GPHN: variants seen among roughly 807,000 people sequenced by gnomAD.
GPHN encodes the protein gephyrin.
A neutral mutation model predicts 95.5 loss-of-function variants in GPHN; 17 were observed. The observed-to-expected ratio is 0.18, with a 90% CI of 0.12 to 0.27. GPHN has a LOEUF of 0.27. GPHN is among the 10% of genes least tolerant of loss of function. The pLI, the probability that GPHN is intolerant of heterozygous loss-of-function variation, is 1.00. For missense variants in GPHN, 660 were observed against 978.1 expected, an observed-to-expected ratio of 0.67 and a Z score of 4.34; for synonymous variants, 320 against 322.5, an observed-to-expected ratio of 0.99 and a Z score of 0.08.
chr14:67,213,939 G>GT, the GPHN span, among the ~76,000 whole-genome samples: 1 of 152,176 alleles, frequency 6.6e-6, no homozygotes, highest in Non-Finnish European at 1.5e-5. Flanking sequence ...TTTTTCATGT[G>GT]TTTTTTGGCT....
intron 2 of GPHN, among the ~76,000 whole-genome samples, chr14:66,682,754 A>C (rs2067019259): frequency 2.0e-5 from 3 of 152,208 alleles, no homozygotes; most frequent in Non-Finnish European, 4.4e-5. Context: ...CATCTCAAAA[A>C]AAAAATTATT....
the GPHN span, chr14:67,725,260 G>A: frequency 6.2e-7 from 1 of 1,612,740 alleles, no homozygotes; most frequent in South Asian, 1.1e-5. Context: ...GGCAGGTGAG[G>A]TCCTGATGGG....
chr14:67,507,650 A>G, the GPHN span, among the ~76,000 whole-genome samples: 1 of 152,150 alleles, frequency 6.6e-6, no homozygotes, highest in Non-Finnish European at 1.5e-5. Flanking sequence ...TGTGTTGCCT[A>G]GGCTAGTCTT....
At chr14:67,321,322 T>A in the GPHN span, 3 of 1,517,934 alleles carry the variant, frequency 2.0e-6, no homozygotes, top group Non-Finnish European at 2.7e-6. Flanking sequence ...AGTAATCTAG[T>A]GGAAGCTATA....
chr14:67,395,513 T>C, the GPHN span: 40 of 1,613,980 alleles, frequency 2.5e-5, no homozygotes, highest in African/African-American at 5.3e-5. Context: ...GGCCCAGGCA[T>C]CCCGCTCCTC....
chr14:67,390,420 TAA>T, the GPHN span, among the ~76,000 whole-genome samples: 1 of 152,092 alleles, frequency 6.6e-6, no homozygotes, highest in Non-Finnish European at 1.5e-5. Context: ...CTGAAAATGA[TAA>T]AGATGCCCTC....
intron 7 of GPHN, among the ~76,000 whole-genome samples, chr14:66,923,297 A>G (rs1301253771): frequency 1.3e-5 from 2 of 152,124 alleles, no homozygotes; most frequent in Non-Finnish European, 2.9e-5. Flanking sequence ...AAATTCTTAA[A>G]GGAACAGCAA....
At chr14:66,509,357 C>G (rs767953828) in intron 1 of GPHN, 2 of 152,336 alleles carry the variant, frequency 1.3e-5, no homozygotes, top group South Asian at 2.1e-4. Context: ...GCTCCTCTCC[C>G]CCTCCTTTCT....
chr14:67,049,351 C>T (rs893451764), intron 10 of GPHN, among the ~76,000 whole-genome samples: 20 of 152,010 alleles, frequency 1.3e-4, no homozygotes, highest in Middle Eastern at 6.8e-3. Flanking sequence ...CCTCAGCCTC[C>T]GGAGTAGCTG....
intron 8 of GPHN, among the ~76,000 whole-genome samples, chr14:66,936,165 G>T (rs150803855): frequency 1.3e-5 from 2 of 152,132 alleles, no homozygotes; most frequent in Admixed American, 6.6e-5. Flanking sequence ...GATCACCTGA[G>T]GTCAGGAGTT....
chr14:67,445,314 T>C, the GPHN span, among the ~76,000 whole-genome samples: 4 of 152,098 alleles, frequency 2.6e-5, no homozygotes. Flanking sequence ...AGCTGGCATC[T>C]GAAGTGGTGG....
chr14:66,631,276 T>G (rs890621567), intron 1 of GPHN, among the ~76,000 whole-genome samples: 1 of 152,018 alleles, frequency 6.6e-6, no homozygotes, highest in Non-Finnish European at 1.5e-5. Context: ...CTTGAACTCC[T>G]GACCTCATGA....
intron 8 of GPHN, among the ~76,000 whole-genome samples, chr14:66,943,221 T>A (rs1355725418): frequency 6.6e-6 from 1 of 152,216 alleles, no homozygotes; most frequent in Non-Finnish European, 1.5e-5. Context: ...TTTTTATGCC[T>A]TTTTTATAAT....
At chr14:66,848,544 C>G (rs778518007) in intron 4 of GPHN, among the ~76,000 whole-genome samples, 7 of 151,954 alleles carry the variant, frequency 4.6e-5, no homozygotes, top group Non-Finnish European at 1.0e-4. Flanking sequence ...TCAAATTTCT[C>G]GTTACTTTCT....
the GPHN span, chr14:67,303,603 A>G: frequency 2.5e-6 from 4 of 1,606,784 alleles, no homozygotes; most frequent in Non-Finnish European, 3.4e-6. Context: ...AACAGTAGTA[A>G]GTGATTTTTA....
chr14:67,428,103 G>A, the GPHN span, among the ~76,000 whole-genome samples: 7 of 152,088 alleles, frequency 4.6e-5, no homozygotes. Flanking sequence ...TATTTTAGTA[G>A]ATACGGGGTT....
At chr14:67,359,061 G>C in the GPHN span, among the ~76,000 whole-genome samples, 1 of 152,204 alleles carries the variant, frequency 6.6e-6, no homozygotes, top group Non-Finnish European at 1.5e-5. Flanking sequence ...AGCGGTGAGA[G>C]AGCAAAAGCA....
intron 2 of GPHN, among the ~76,000 whole-genome samples, chr14:66,698,050 A>C (rs1019494932): frequency 6.6e-6 from 1 of 152,146 alleles, no homozygotes; most frequent in Non-Finnish European, 1.5e-5. Flanking sequence ...CCCATTCGAA[A>C]GCACTTTGGA....
At chr14:67,482,784 G>A in the GPHN span, among the ~76,000 whole-genome samples, 1 of 152,252 alleles carries the variant, frequency 6.6e-6, no homozygotes, top group East Asian at 1.9e-4. Flanking sequence ...ACTGGCTGGT[G>A]CACATGCTGC....
Sources: allele counts gnomAD v4.1 joint callset (sites outside exome capture counted in the v4.1 genomes callset), GRCh38; gene constraint gnomAD v4.1.1; transcripts MANE v1.5; gene names NCBI Gene and HGNC (gene_info 2026-07-23, HGNC 2026-07-21).